The following CDKL1 variants were observed in gnomAD, a reference collection of about 807,000 sequenced individuals.
CDKL1 encodes the protein cyclin dependent kinase like 1, also known as cyclin-dependent kinase-like 1.
A neutral mutation model predicts 42.0 loss-of-function variants in CDKL1; 41 were observed. The observed-to-expected ratio is 0.98, with a 90% confidence interval of 0.76 to 1.27. The LOEUF (loss-of-function observed/expected upper bound fraction) is 1.27, where lower values mean the gene tolerates loss of function less well. Among genes scored for constraint, CDKL1 ranks in the 50% most tolerant of loss-of-function variants. The pLI is 0.00. For missense variants in CDKL1, 394 were observed against 428.4 expected, an observed-to-expected ratio of 0.92 and a Z score of 0.71; for synonymous variants, 153 against 158.6, an observed-to-expected ratio of 0.96 and a Z score of 0.26.
chr14:50,346,571 T>G (rs1450357988), intron 3 of CDKL1, among the ~76,000 whole-genome samples: 1 of 151,926 alleles, frequency 6.6e-6, no homozygotes, highest in Non-Finnish European at 1.5e-5. Context: ...GGGATCCTCC[T>G]GCCTCAGCCT....
chr14:50,396,593 T>G, intron 1 of CDKL1: 1 of 338,654 alleles, frequency 3.0e-6, no homozygotes, highest in Non-Finnish European at 4.2e-6. Context: ...CTTCCCCGGT[T>G]CTAATTTCGG....
At chr14:50,367,648 G>A (rs964658708) in intron 2 of CDKL1, among the ~76,000 whole-genome samples, 2 of 152,222 alleles carry the variant, frequency 1.3e-5, no homozygotes, top group African/African-American at 4.8e-5. Flanking sequence ...TTAATAGACA[G>A]AACAGGTTAA....
intron 2 of CDKL1, among the ~76,000 whole-genome samples, chr14:50,378,777 T>G (rs895557031): frequency 6.6e-6 from 1 of 152,110 alleles, no homozygotes; most frequent in African/African-American, 2.4e-5. Context: ...CCTCAAGCGA[T>G]TCTGCCACCT....
chr14:50,372,318 A>G (rs1382914001), intron 2 of CDKL1, among the ~76,000 whole-genome samples: 1 of 151,920 alleles, frequency 6.6e-6, no homozygotes, highest in African/African-American at 2.4e-5. Context: ...GAGTTTTGCC[A>G]TGTTGGCCAG....
chr14:50,391,488 T>C (rs1462528120), intron 2 of CDKL1, among the ~76,000 whole-genome samples: 2 of 152,118 alleles, frequency 1.3e-5, no homozygotes, highest in African/African-American at 2.4e-5. Context: ...GTTCAAGCGA[T>C]TCTCCTGTCT....
At chr14:50,368,604 G>A (rs1372421959) in intron 2 of CDKL1, among the ~76,000 whole-genome samples, 1 of 152,048 alleles carries the variant, frequency 6.6e-6, no homozygotes, top group Non-Finnish European at 1.5e-5. Flanking sequence ...ATATTATGTT[G>A]CCAAGTCAAG....
upstream of CDKL1, chr14:50,397,251 G>A (rs766741209): frequency 7.3e-7 from 1 of 1,366,578 alleles, no homozygotes; most frequent in Admixed American, 1.9e-5. Flanking sequence ...TGGTCCCTTG[G>A]AGGCATCTTC....
At chr14:50,331,998 T>C (rs1157742921) in intron 9 of CDKL1, 1 of 1,523,092 alleles carries the variant, frequency 6.6e-7, no homozygotes, top group African/African-American at 1.4e-5. Flanking sequence ...CTCATGTACC[T>C]TGTTGAGACC....
intron 2 of CDKL1, among the ~76,000 whole-genome samples, chr14:50,364,934 T>C (rs551914379): frequency 6.6e-6 from 1 of 152,290 alleles, no homozygotes; most frequent in Admixed American, 6.5e-5. Context: ...GCTTAGAACC[T>C]AGGAAAGGAG....
rs765505718 is a variant in CDKL1 at position 50,359,152 on chromosome 14, G to A, written c.169-3C>T. On this transcript the variant is annotated splice_polypyrimidine_tract_variant and splice_region_variant and intron_variant, in intron 2 of 9. Coordinates refer to ENST00000395834, the MANE Select transcript of CDKL1 (RefSeq NM_004196.7). ...ACAAGGTTGGGATGCTTGAGTTGCT[G>A]AAAACACAAAAAAACAAGTTACTAA... The A allele has an allele frequency of 6.3e-7, 1 of 1,596,044 alleles. No individual in the cohort carries two copies.
chr14:50,333,363 G>A (rs887471442), intron 8 of CDKL1: 1 of 152,112 alleles, frequency 6.6e-6, no homozygotes, highest in Non-Finnish European at 1.5e-5. Context: ...CTCACTCCTC[G>A]TTGTACACTA....
chr14:50,388,088 G>C (rs935080277), intron 2 of CDKL1, among the ~76,000 whole-genome samples: 2 of 152,066 alleles, frequency 1.3e-5, no homozygotes, highest in Admixed American at 1.3e-4. Flanking sequence ...AGTAGAGACG[G>C]GGATGTTGGC....
intron 3 of CDKL1, among the ~76,000 whole-genome samples, chr14:50,350,519 G>A (rs2033870182): frequency 6.6e-6 from 1 of 152,162 alleles, no homozygotes; most frequent in Non-Finnish European, 1.5e-5. Flanking sequence ...TCTCTGCCAT[G>A]GGATTAGGTG....
chr14:50,376,730 T>A (rs924033693), intron 2 of CDKL1, among the ~76,000 whole-genome samples: 28 of 152,226 alleles, frequency 1.8e-4, no homozygotes. Flanking sequence ...TATATTATTG[T>A]TAAGAACACT....
chr14:50,368,282 G>C (rs900311770), intron 2 of CDKL1, among the ~76,000 whole-genome samples: 2 of 151,812 alleles, frequency 1.3e-5, no homozygotes, highest in East Asian at 3.9e-4. Context: ...TTTGAGACAG[G>C]GTCTTTCTCT....
intron 2 of CDKL1, among the ~76,000 whole-genome samples, chr14:50,385,539 C>T (rs1707435773): frequency 6.6e-6 from 1 of 151,960 alleles, no homozygotes; most frequent in South Asian, 2.1e-4. Context: ...GGCGTGGTGG[C>T]TCACACCTGT....
chr14:50,396,362 G>C, intron 1 of CDKL1, 33 bp from the exon 2 acceptor site: 1 of 986,098 alleles, frequency 1.0e-6, no homozygotes, highest in Non-Finnish European at 1.2e-6. Flanking sequence ...AAGGAATGAA[G>C]AGTGTACCCG....
intron 2 of CDKL1, among the ~76,000 whole-genome samples, chr14:50,383,152 C>A (rs912472661): frequency 2.0e-5 from 3 of 151,976 alleles, no homozygotes. Flanking sequence ...AGGTCTCCAT[C>A]TCCTGACCTC....
At chr14:50,334,188 A>G (rs148934694) in intron 8 of CDKL1, 5,186 of 164,422 alleles carry the variant, frequency 0.032, 302 homozygotes, top group African/African-American at 0.12. Flanking sequence ...ACGGAGTCTT[A>G]CTCTGTCACC....
Sources: gnomAD v4.1 joint callset for allele counts (sites outside exome capture counted in the v4.1 genomes callset) on GRCh38, gnomAD v4.1.1 for gene constraint, MANE v1.5 for transcripts, NCBI Gene and HGNC (gene_info 2026-07-23, HGNC 2026-07-21) for gene names.